FAM135B: variants seen among roughly 807,000 people sequenced by gnomAD.
The protein encoded by FAM135B is family with sequence similarity 135 member B.
A neutral mutation model predicts 127.7 loss-of-function variants in FAM135B; 43 were observed. That is an observed-to-expected ratio of 0.34 (90% CI 0.26 to 0.43). FAM135B has a LOEUF of 0.43. Ranked by LOEUF, FAM135B falls within the 20% of genes least tolerant of loss-of-function variation. FAM135B has a pLI of 1.00. For missense variants in FAM135B, 1,558 were observed against 1,725.6 expected, an observed-to-expected ratio of 0.90 and a Z score of 1.72; for synonymous variants, 670 against 665.1, an observed-to-expected ratio of 1.01 and a Z score of -0.11.
intron 14 of FAM135B, among the ~76,000 whole-genome samples, 174 bp downstream of exon 14, chr8:138,148,346 A>T (rs1467185971): frequency 6.6e-6 from 1 of 152,100 alleles, no homozygotes; most frequent in South Asian, 2.1e-4. Flanking sequence ...TGACAGAGAG[A>T]TATTTTCTTC....
intron 1 of FAM135B, among the ~76,000 whole-genome samples, chr8:138,447,022 G>C (rs1836207865): frequency 6.6e-6 from 1 of 152,138 alleles, no homozygotes; most frequent in Non-Finnish European, 1.5e-5. Flanking sequence ...CTCTAAAGAA[G>C]ACATTTATGC....
intron 1 of FAM135B, chr8:138,441,868 G>C (rs151259926): frequency 5.1e-4 from 78 of 152,046 alleles, no homozygotes; most frequent in African/African-American, 1.8e-3. Context: ...TGATGACAGA[G>C]AATATGCTGT....
chr8:138,435,076 G>A (rs749839486), intron 1 of FAM135B, among the ~76,000 whole-genome samples: 14 of 152,202 alleles, frequency 9.2e-5, no homozygotes, highest in Admixed American at 2.0e-4. Context: ...GGGAGGCCGA[G>A]GCGGGTGGAT....
At chr8:138,399,341 C>A (rs1232378219) in intron 1 of FAM135B, among the ~76,000 whole-genome samples, 1 of 152,132 alleles carries the variant, frequency 6.6e-6, no homozygotes, top group African/African-American at 2.4e-5. Flanking sequence ...ACAGATTATT[C>A]CAGCTATTCA....
At chr8:138,403,883 A>T (rs2131373477) in intron 1 of FAM135B, among the ~76,000 whole-genome samples, 1 of 152,296 alleles carries the variant, frequency 6.6e-6, no homozygotes, top group South Asian at 2.1e-4. Flanking sequence ...AACATTTTTT[A>T]ATTTTCAATA....
At chr8:138,192,324 G>A (rs1473076827) in intron 9 of FAM135B, among the ~76,000 whole-genome samples, 40 of 152,168 alleles carry the variant, frequency 2.6e-4, no homozygotes, top group Non-Finnish European at 2.9e-5. Flanking sequence ...GGAGGAACTT[G>A]CTTTACAGTT....
intron 4 of FAM135B, among the ~76,000 whole-genome samples, chr8:138,258,640 C>T (rs1300357766): frequency 6.6e-6 from 1 of 152,160 alleles, no homozygotes; most frequent in Admixed American, 6.5e-5. Flanking sequence ...AGAAATCATT[C>T]TCCTGGATAA....
intron 7 of FAM135B, among the ~76,000 whole-genome samples, chr8:138,206,618 T>C (rs1296227470): frequency 6.7e-6 from 1 of 149,916 alleles, no homozygotes; most frequent in Non-Finnish European, 1.5e-5. Flanking sequence ...CCCCTCCACC[T>C]ACACACAACT....
chr8:138,388,286 C>G (rs1832338415), intron 1 of FAM135B, among the ~76,000 whole-genome samples: 1 of 152,194 alleles, frequency 6.6e-6, no homozygotes, highest in Non-Finnish European at 1.5e-5. Flanking sequence ...AACTCATTCA[C>G]TGCTGGTGGG....
intron 3 of FAM135B, among the ~76,000 whole-genome samples, chr8:138,273,032 C>T (rs1823508776): frequency 6.6e-6 from 1 of 152,034 alleles, no homozygotes; most frequent in African/African-American, 2.4e-5. Context: ...TATGAAAGTA[C>T]CTGGTACAAG....
chr8:138,420,523 A>G (rs1415327452), intron 1 of FAM135B, among the ~76,000 whole-genome samples: 3 of 151,972 alleles, frequency 2.0e-5, no homozygotes, highest in African/African-American at 4.8e-5. Context: ...CATTCTATTA[A>G]TAACACCAAA....
chr8:138,318,609 C>G (rs1202369969), intron 2 of FAM135B, among the ~76,000 whole-genome samples: 2 of 152,170 alleles, frequency 1.3e-5, no homozygotes, highest in Non-Finnish European at 2.9e-5. Flanking sequence ...CAAAGGGCAA[C>G]CAGGATTCTA....
At position 138,151,256 on chromosome 8, in the gene FAM135B, G is replaced by A. The variant is rs2130722072; in HGVS notation, c.3219C>T (p.Ser1073=). 6.2e-7 allele frequency: 1 copy of A among 1,607,996 alleles called. No individual in the cohort carries two copies. The change falls in exon 13 of 20, where the codon TCC becomes TCT. Residue 1073 remains serine (S), a synonymous_variant. Transcript: ENST00000395297. The part of the protein sequence containing the change: ...LFPITHQPLG[S]FGVVSTHSST... ...TGGAATGGGTAGAAACAACTCCAAA[G>A]GATCCCAAAGGCTGATGGGTGATGG... is the stretch of plus-strand genomic sequence containing the variant.
At chr8:138,326,408 T>C (rs1457931659) in intron 2 of FAM135B, among the ~76,000 whole-genome samples, 1 of 152,174 alleles carries the variant, frequency 6.6e-6, no homozygotes, top group Non-Finnish European at 1.5e-5. Context: ...TGATTTTCTT[T>C]GCATTTGTAT....
intron 1 of FAM135B, among the ~76,000 whole-genome samples, chr8:138,476,341 C>T (rs756465807): frequency 1.1e-4 from 17 of 151,934 alleles, no homozygotes; most frequent in Non-Finnish European, 1.9e-4. Flanking sequence ...CAAAGTGAAC[C>T]CTGATGTAAA....
intron 1 of FAM135B, among the ~76,000 whole-genome samples, chr8:138,447,875 T>C (rs1365367129): frequency 6.8e-6 from 1 of 147,696 alleles, no homozygotes; most frequent in African/African-American, 2.5e-5. Context: ...AGGGACAGAG[T>C]GCTGGGGAAG....
intron 3 of FAM135B, among the ~76,000 whole-genome samples, chr8:138,283,028 G>A (rs1431554659): frequency 2.6e-5 from 4 of 152,116 alleles, no homozygotes; most frequent in Non-Finnish European, 4.4e-5. Context: ...AGTCTCCTGA[G>A]TAGCTGGGAT....
At chr8:138,457,661 T>C (rs1587500824) in intron 1 of FAM135B, among the ~76,000 whole-genome samples, 1 of 152,146 alleles carries the variant, frequency 6.6e-6, no homozygotes, top group Non-Finnish European at 1.5e-5. Context: ...ACAACAATCA[T>C]CCATTTCATA....
chr8:138,144,959 T>C (rs905884662), intron 15 of FAM135B, among the ~76,000 whole-genome samples: 4 of 152,184 alleles, frequency 2.6e-5, no homozygotes, highest in Non-Finnish European at 5.9e-5. Context: ...CTCACTTCCC[T>C]GCTCCCTCCT....
Sources: gnomAD v4.1 joint callset for allele counts (sites outside exome capture counted in the v4.1 genomes callset) on GRCh38, gnomAD v4.1.1 for gene constraint, MANE v1.5 for transcripts, NCBI Gene and HGNC (gene_info 2026-07-23, HGNC 2026-07-21) for gene names.